AKAP13: variants seen among roughly 807,000 people sequenced by gnomAD.
AKAP13 encodes the protein A-kinase anchoring protein 13, also known as A-kinase anchor protein 13.
AKAP13 carries 80 observed loss-of-function variants against 264.5 expected under a neutral mutation model. The ratio of observed to expected loss-of-function variants is 0.30; its 90% CI spans 0.25 to 0.36. The LOEUF is 0.36. AKAP13 is among the 10% of genes least tolerant of loss of function. The pLI is 1.00. For missense variants in AKAP13, 3,712 were observed against 3,435.2 expected (o/e 1.08, Z -2.01); for synonymous variants, 1,380 against 1,250.2 (o/e 1.10, Z -2.19).
intron 8 of AKAP13, among the ~76,000 whole-genome samples, chr15:85,589,496 C>T (rs1019387643): frequency 1.8e-4 from 27 of 151,780 alleles, no homozygotes; most frequent in African/African-American, 6.1e-4. Flanking sequence ...CGGCTCATGC[C>T]TGTAATTCTG....
At chr15:85,684,911 G>A (rs747998814) in intron 16 of AKAP13, 38 bp downstream of exon 16, 13 of 1,592,596 alleles carry the variant, frequency 8.2e-6, no homozygotes, top group South Asian at 5.8e-5. Context: ...GATCACCTCA[G>A]TAGGATCCTG....
At chr15:85,669,686 T>C in intron 13 of AKAP13, 36 bp from the exon 14 acceptor site, 1 of 1,439,832 alleles carries the variant, frequency 6.9e-7, no homozygotes, top group Non-Finnish European at 9.8e-7. Context: ...TGAGAGTATA[T>C]GCTTACAACG....
chr15:85,700,133 G>T (rs2085824215), intron 17 of AKAP13, among the ~76,000 whole-genome samples: 1 of 152,186 alleles, frequency 6.6e-6, no homozygotes, highest in Admixed American at 6.5e-5. Flanking sequence ...GTTACAAATA[G>T]TTGAAATTTG....
chr15:85,555,424 G>T, intron 5 of AKAP13: 1 of 1,288,960 alleles, frequency 7.8e-7, no homozygotes, highest in South Asian at 1.2e-5. Context: ...TATTTTTAAA[G>T]CTGTAGTATG....
At chr15:85,717,818 C>T (rs1185130492) in intron 21 of AKAP13, among the ~76,000 whole-genome samples, 189 bp from the exon 22 acceptor site, 1 of 152,178 alleles carries the variant, frequency 6.6e-6, no homozygotes, top group Non-Finnish European at 1.5e-5. Flanking sequence ...TAACCTAAGT[C>T]TCGAATGTAG....
intron 12 of AKAP13, among the ~76,000 whole-genome samples, chr15:85,663,815 C>A (rs1783377452): frequency 6.6e-6 from 1 of 152,206 alleles, no homozygotes. Flanking sequence ...CAGAATCTGT[C>A]TTGGAGGAAT....
At chr15:85,445,696 G>A (rs1451166554) in intron 1 of AKAP13, among the ~76,000 whole-genome samples, 1 of 125,442 alleles carries the variant, frequency 8.0e-6, no homozygotes, top group African/African-American at 3.3e-5. Context: ...AAATCAGTCT[G>A]TATTTAATTA....
chr15:85,619,963 G>A lies in AKAP13; in HGVS notation c.4162-19411G>A, dbSNP rs977608213. 13 of 1,458,688 alleles carry A rather than the reference G, an allele frequency of 8.9e-6. No individual in the cohort carries two copies. The Admixed American group carries it at 2.6e-4, about 29-fold the overall frequency. The allele number at this position is 1,458,688 out of a possible 1,614,324, so 90.4% of individuals were successfully genotyped here. On this transcript the variant is annotated intron_variant, in intron 8 of 36. Transcript: ENST00000394518. ...CCCCTTTGAGAGTTTTAATAGAGAGGAGTCTGGAAGGCAGAGATCTCCACC... is the reference window on the plus strand; with the variant it reads ...CCCCTTTGAGAGTTTTAATAGAGAGAAGTCTGGAAGGCAGAGATCTCCACC...
chr15:85,543,557 C>T (rs1209202207), intron 4 of AKAP13, among the ~76,000 whole-genome samples: 3 of 152,122 alleles, frequency 2.0e-5, no homozygotes, highest in African/African-American at 4.8e-5. Context: ...GATTTTGCTT[C>T]CTATACTTTC....
chr15:85,586,936 AAAAAT>A (rs1204254579), intron 8 of AKAP13, among the ~76,000 whole-genome samples: 1 of 113,990 alleles, frequency 8.8e-6, no homozygotes, highest in Non-Finnish European at 1.9e-5. Flanking sequence ...TCAAAAAAAA[AAAAAT>A]AAGAGAATAA....
intron 1 of AKAP13, among the ~76,000 whole-genome samples, chr15:85,393,881 A>G (rs2070986235): frequency 6.6e-6 from 1 of 152,170 alleles, no homozygotes; most frequent in Non-Finnish European, 1.5e-5. Context: ...CTTGGTGTAA[A>G]TAGAAAATCA....
At chr15:85,482,061 CT>C (rs1020308251) in intron 1 of AKAP13, among the ~76,000 whole-genome samples, 11 of 152,144 alleles carry the variant, frequency 7.2e-5, no homozygotes, top group African/African-American at 2.7e-4. Flanking sequence ...TAATATGCTC[CT>C]CCCTTTAGAA....
intron 1 of AKAP13, among the ~76,000 whole-genome samples, chr15:85,414,039 T>C (rs927810441): frequency 1.3e-5 from 2 of 152,228 alleles, no homozygotes; most frequent in East Asian, 1.9e-4. Context: ...GTACCTGTTA[T>C]AGCCTGAAAA....
rs1464280462 is a variant in AKAP13, at chr15:85,741,411, G to A, written c.7974G>A (p.Gln2658=). The change falls in exon 35 of 37, where the codon CAG becomes CAA. Residue 2658 remains glutamine (Q), a synonymous_variant. Transcript: ENST00000394518. The part of the protein sequence containing the change: ...QYDLERLRAA[Q]KQLEREQEQL... ...ACCTGGAGCGACTGCGTGCTGCCCA[G>A]AAACAGCTTGAGAGGGAACAGGAGC... is the stretch of plus-strand genomic sequence containing the variant. 3.7e-6 allele frequency: 6 copies of A among 1,613,534 alleles called. No individual in the cohort carries two copies. The highest frequency in any genetic ancestry group is 1.7e-5 in the Admixed American group (1 of 60,020).
intron 1 of AKAP13, among the ~76,000 whole-genome samples, chr15:85,384,842 T>G (rs1204772830): frequency 6.6e-6 from 1 of 152,214 alleles, no homozygotes; most frequent in African/African-American, 2.4e-5. Context: ...ATTGTGACGT[T>G]ATGAATAGAA....
At position 85,639,409 on chromosome 15, in the gene AKAP13, C is replaced by T. The variant is rs2082205068; in HGVS notation, c.4197C>T (p.Cys1399=). 1.2e-6 allele frequency: 2 copies of T among 1,612,806 alleles called. No individual in the cohort carries two copies. The highest frequency in any genetic ancestry group is 1.3e-5 in the African/African-American group (1 of 74,990). Reference sequence around the variant, plus strand: ...AAAACTGGTGTACAATAGAGCCATGCCCTGATGCAGCATCTCTTCTGGCTT... The same window carrying T: ...AAAACTGGTGTACAATAGAGCCATGTCCTGATGCAGCATCTCTTCTGGCTT... ...NRENWCTIEP[C]PDAASLLASK... is the part of the protein sequence containing the mutation. The change falls in exon 9 of 37, where the codon TGC becomes TGT. Residue 1399 remains cysteine, a synonymous_variant. Transcript: ENST00000394518.
chr15:85,638,950 G>A (rs2082186374), intron 8 of AKAP13, among the ~76,000 whole-genome samples: 1 of 152,002 alleles, frequency 6.6e-6, no homozygotes, highest in Non-Finnish European at 1.5e-5. Flanking sequence ...GTAGAGATGG[G>A]GTTTTGCCAC....
chr15:85,437,855 A>G (rs949779840), intron 1 of AKAP13, among the ~76,000 whole-genome samples: 2 of 151,722 alleles, frequency 1.3e-5, no homozygotes, highest in African/African-American at 2.4e-5. Context: ...CCCACAGCCA[A>G]TATCATACTG....
intron 10 of AKAP13, among the ~76,000 whole-genome samples, chr15:85,654,134 G>GC (rs765335148): frequency 6.6e-6 from 1 of 152,220 alleles, no homozygotes; most frequent in Non-Finnish European, 1.5e-5. Flanking sequence ...AGACCTCATT[G>GC]CCAGGACTGA....
Sources: allele counts gnomAD v4.1 joint callset (sites outside exome capture counted in the v4.1 genomes callset), GRCh38; gene constraint gnomAD v4.1.1; transcripts MANE v1.5; gene names NCBI Gene and HGNC (gene_info 2026-07-23, HGNC 2026-07-21).